DNM1L: variants seen among roughly 807,000 people sequenced by gnomAD.
The protein encoded by DNM1L is dynamin 1L, also known as dynamin-1-like protein.
A neutral mutation model predicts 92.8 loss-of-function variants in DNM1L; 33 were observed. The ratio of observed to expected loss-of-function variants is 0.36; its 90% CI spans 0.27 to 0.48. DNM1L has a LOEUF of 0.48. DNM1L is among the 20% of genes least tolerant of loss of function. DNM1L has a pLI of 0.99. For synonymous variants in DNM1L, 284 were observed against 305.0 expected, an observed-to-expected ratio of 0.93 and a Z score of 0.72; for missense variants, 485 against 888.8, an observed-to-expected ratio of 0.55 and a Z score of 5.78.
chr12:32,718,386 C>G (rs547202094), intron 6 of DNM1L, among the ~76,000 whole-genome samples: 1 of 151,880 alleles, frequency 6.6e-6, no homozygotes, highest in South Asian at 2.1e-4. Context: ...AGGTGATCCA[C>G]CCGCCTTGGC....
intron 15 of DNM1L, 130 bp from the exon 16 acceptor site, chr12:32,738,134 C>T: frequency 8.5e-7 from 1 of 1,170,502 alleles, no homozygotes; most frequent in Non-Finnish European, 1.2e-6. Flanking sequence ...CATGCTTTTG[C>T]TTGCAATATA....
At chr12:32,707,775 C>A (rs1280539207) in intron 3 of DNM1L, among the ~76,000 whole-genome samples, 1 of 151,868 alleles carries the variant, frequency 6.6e-6, no homozygotes, top group African/African-American at 2.4e-5. Flanking sequence ...TATAGGGGGA[C>A]CCTGTCTCTA....
At chr12:32,711,074 A>C (rs769674241) in intron 5 of DNM1L, 59 bp downstream of exon 5, 4 of 1,394,726 alleles carry the variant, frequency 2.9e-6, no homozygotes, top group Non-Finnish European at 4.1e-6. Flanking sequence ...GACATCCCAT[A>C]TGAGAATAAT....
intron 1 of DNM1L, among the ~76,000 whole-genome samples, chr12:32,700,850 G>A (rs572777940): frequency 2.0e-5 from 3 of 152,280 alleles, no homozygotes; most frequent in South Asian, 4.1e-4. Context: ...TACCAATATT[G>A]TGTAGGTTTT....
chr12:32,680,961 A>G (rs758034007), intron 1 of DNM1L, among the ~76,000 whole-genome samples: 1 of 152,254 alleles, frequency 6.6e-6, no homozygotes, highest in Non-Finnish European at 1.5e-5. Flanking sequence ...CTTTTTAAGC[A>G]TGAGGAAGTA....
chr12:32,743,285 C>A, intron 19 of DNM1L, 69 bp from the exon 20 acceptor site: 1 of 1,386,406 alleles, frequency 7.2e-7, no homozygotes, highest in Non-Finnish European at 1.0e-6. Flanking sequence ...GGAAAAATTA[C>A]CCTGCGTAAT....
intron 1 of DNM1L, among the ~76,000 whole-genome samples, chr12:32,684,477 C>CTTTTTTTTTTTT (rs768276200): frequency 6.8e-6 from 1 of 146,094 alleles, no homozygotes. Context: ...CAACATAATT[C>CTTTTTTTTTTTT]TTTTTTTTTT....
At position 32,745,106 on chromosome 12, in the gene DNM1L, G is replaced by C; in HGVS notation, c.*1696G>C. 1 of 447,020 alleles carries C rather than the reference G, an allele frequency of 2.2e-6. No individual in the cohort carries two copies. Among genetic ancestry groups the C allele is most frequent in the Non-Finnish European group, 4.3e-6 (1 of 231,462 alleles). 27.7% of individuals were successfully genotyped at this position (447,020 alleles called of 1,614,324 possible). ...CCCCACATCAGTCTGATACGATATG[G>C]TACTACTTTGAATCTGTTACTAGTA... is the stretch of plus-strand genomic sequence containing the variant. On this transcript the variant is annotated 3_prime_UTR_variant, in exon 20 of 20. Transcript: ENST00000549701.
At chr12:32,718,044 C>G (rs142610565) in intron 6 of DNM1L, among the ~76,000 whole-genome samples, 2 of 117,172 alleles carry the variant, frequency 1.7e-5, no homozygotes, top group South Asian at 2.5e-4. Flanking sequence ...ACTATACATA[C>G]TATATATACT....
In DNM1L at chr12:32,709,839, G is replaced by C. The variant is rs141683696; in HGVS notation, c.370-1090G>C. On this transcript the variant is annotated intron_variant, in intron 4 of 19. Transcript: ENST00000549701. ...GTATGCCAGATAGTGACATTTGTTG[G>C]CTTTGGAACACTGGAGTATTTATAA... Among the ~76,000 whole-genome samples, 279 of 152,266 alleles carry C rather than the reference G, an allele frequency of 1.8e-3. 3 individuals are homozygous for C. The highest frequency in any genetic ancestry group is 6.5e-3 in the African/African-American group (272 of 41,548).
In DNM1L at chr12:32,713,293, A is replaced by G. The variant is rs1177962270; in HGVS notation, c.541A>G (p.Ile181Val). 1 of 1,613,994 alleles carries G rather than the reference A, an allele frequency of 6.2e-7. No individual in the cohort carries two copies. The highest frequency in any genetic ancestry group is 1.7e-5 in the Admixed American group (1 of 60,020). ...LRFISNPNSIILAVTAANTDM... is the reference protein window; with the variant it reads ...LRFISNPNSIVLAVTAANTDM... The stretch of plus-strand genomic sequence containing the variant: ...GTTCATCAGTAATCCTAATTCCATT[A>G]TCCTCGCTGTCACTGCTGCTAATAC... The change falls in exon 6 of 20, where the codon ATC becomes GTC. Residue 181 changes from isoleucine (I) to valine (V), a missense_variant. By Grantham distance (29) the Ile-to-Val change is conservative. Transcript: ENST00000549701.
intron 1 of DNM1L, chr12:32,680,012 G>A: frequency 2.0e-6 from 2 of 985,408 alleles, no homozygotes; most frequent in Non-Finnish European, 2.4e-6. Flanking sequence ...GTGTTTTCCT[G>A]CAGTATAATT....
intron 1 of DNM1L, among the ~76,000 whole-genome samples, chr12:32,699,688 G>T (rs1341857638): frequency 1.3e-5 from 2 of 151,674 alleles, no homozygotes; most frequent in Admixed American, 6.6e-5. Flanking sequence ...CAGCTACTTG[G>T]GAGGCTGAGG....
intron 4 of DNM1L, 128 bp from the exon 5 acceptor site, chr12:32,710,801 G>A (rs1953097020): frequency 1.3e-6 from 1 of 787,186 alleles, no homozygotes; most frequent in Non-Finnish European, 2.0e-6. Context: ...GGTTTTGATT[G>A]TTAAAAAAAA....
intron 9 of DNM1L, among the ~76,000 whole-genome samples, chr12:32,724,332 C>T (rs533933883): frequency 1.3e-5 from 2 of 152,010 alleles, no homozygotes; most frequent in South Asian, 4.2e-4. Context: ...AATCCCAGCA[C>T]TTTGGGAGGC....
At chr12:32,718,001 A>ATT (rs1953603801) in intron 6 of DNM1L, among the ~76,000 whole-genome samples, 1 of 109,426 alleles carries the variant, frequency 9.1e-6, no homozygotes, top group African/African-American at 3.4e-5. Flanking sequence ...TATAGTATAT[A>ATT]TAATATATAT....
chr12:32,708,159 A>C lies in DNM1L; in HGVS notation c.304A>C (p.Thr102Pro). 6.3e-7 allele frequency: 1 copy of C among 1,598,806 alleles called. No individual in the cohort carries two copies. The highest frequency in any genetic ancestry group is 1.1e-5 in the South Asian group (1 of 90,206). Residue 102 changes from threonine (T) to proline (P), a missense_variant, in exon 4 of 20, where the codon ACG becomes CCG. Thr to Pro is a conservative substitution (Grantham distance 38). This residue lies in a region of DNM1L where 159 missense variants were observed against 275.9 expected (regional missense o/e 0.58). Transcript: ENST00000549701. ...TTATTTCAAAAATTTTTAGCTTTACACGGATTTTGATGAAATTCGACAAGA... is the reference window on the plus strand; with the variant it reads ...TTATTTCAAAAATTTTTAGCTTTACCCGGATTTTGATGAAATTCGACAAGA... ...KFLHTKNKLY[T>P]DFDEIRQEIE...
chr12:32,733,088 G>A (rs937037073), intron 12 of DNM1L, among the ~76,000 whole-genome samples: 3 of 152,164 alleles, frequency 2.0e-5, no homozygotes, highest in Admixed American at 1.3e-4. Context: ...CAATGAGAGC[G>A]AAACTCCGTC....
chr12:32,738,317 T>C, intron 16 of DNM1L, 21 bp downstream of exon 16: 4 of 1,613,474 alleles, frequency 2.5e-6, no homozygotes, highest in Non-Finnish European at 3.4e-6. Context: ...TGCTTCAGAA[T>C]GGAAATGTTG....
Sources: allele counts gnomAD v4.1 joint callset (sites outside exome capture counted in the v4.1 genomes callset), GRCh38; gene constraint gnomAD v4.1.1; regional missense constraint gnomAD v4.1.1; transcripts MANE v1.5; gene names NCBI Gene and HGNC (gene_info 2026-07-23, HGNC 2026-07-21).